The following OGG1 variants were observed in gnomAD, a reference collection of about 807,000 sequenced individuals.
OGG1 encodes the protein 8-oxoguanine DNA glycosylase.
OGG1 carries 35 observed loss-of-function variants against 42.3 expected under a neutral mutation model. The observed-to-expected ratio is 0.83, with a 90% CI of 0.63 to 1.10. The LOEUF (loss-of-function observed/expected upper bound fraction) is 1.10, where lower values mean the gene tolerates loss of function less well. Ranked by LOEUF, OGG1 falls within the 50% of genes least tolerant of loss-of-function variation. OGG1 has a pLI of 0.00. For synonymous variants in OGG1, 189 were observed against 179.0 expected (o/e 1.06, Z -0.44); for missense variants, 484 against 446.7 (o/e 1.08, Z -0.75).
chr3:9,757,546 T>C (rs769257385), downstream of OGG1: 1 of 1,613,486 alleles, frequency 6.2e-7, no homozygotes, highest in East Asian at 2.2e-5. The surrounding 1 kb of genome is among the most constrained non-coding windows in gnomAD (Gnocchi z 4.5). Context: ...GCCCTAGAGC[T>C]GGTGGGGCAG....
intron 3 of OGG1, among the ~76,000 whole-genome samples, chr3:9,782,424 TGA>T (rs1246785049): frequency 6.6e-6 from 1 of 152,200 alleles, no homozygotes; most frequent in Non-Finnish European, 1.5e-5. Flanking sequence ...TCAAGACACT[TGA>T]GAGAGTGTAC....
At chr3:9,764,478 A>G (rs909286139) in intron 7 of OGG1, among the ~76,000 whole-genome samples, 1 of 151,730 alleles carries the variant, frequency 6.6e-6, no homozygotes. Flanking sequence ...ATGTCCAGCT[A>G]ATTTTGTATT....
exon 8 of OGG1, chr3:9,765,924 T>C (rs1289629443): frequency 6.2e-7 from 1 of 1,613,820 alleles, no homozygotes; most frequent in Non-Finnish European, 8.5e-7. Flanking sequence ...GGTGAAGAAC[T>C]GGAACCCCAG....
chr3:9,751,954 G>C lies in OGG1; in HGVS notation c.565+5G>C, dbSNP rs753354734. 8 of 1,613,534 alleles carry C rather than the reference G, an allele frequency of 5.0e-6. No individual in the cohort carries two copies. The highest frequency in any genetic ancestry group is 6.8e-6 in the Non-Finnish European group (8 of 1,179,570). On this transcript the variant is annotated splice_donor_5th_base_variant and intron_variant, in intron 3 of 6. Transcript: ENST00000344629. ...CCAGCCTGCAGGCCCTGGCTGGTGA[G>C]TAGGTGGGTCCCCTGCCCCCAGGCC...
downstream of OGG1, chr3:9,758,294 A>G (rs1456811514): frequency 6.4e-6 from 1 of 156,252 alleles, no homozygotes; most frequent in African/African-American, 2.4e-5. Context: ...TGTCCCACAC[A>G]CCCCTCAAAT....
At chr3:9,790,010 G>C (rs918936328), downstream of OGG1, 5 of 1,533,402 alleles carry the variant, frequency 3.3e-6, no homozygotes, top group Non-Finnish European at 4.4e-6. Flanking sequence ...GGAAAACACA[G>C]AATATCTCTT....
intron 3 of OGG1, among the ~76,000 whole-genome samples, chr3:9,782,847 T>G (rs2078511643): frequency 6.6e-6 from 1 of 151,274 alleles, no homozygotes; most frequent in Non-Finnish European, 1.5e-5. Flanking sequence ...CAGGGCTCTA[T>G]GAAGTTAAGA....
downstream of OGG1, chr3:9,757,586 C>T (rs578157926): frequency 1.3e-5 from 21 of 1,614,166 alleles, no homozygotes; most frequent in African/African-American, 6.7e-5. The surrounding 1 kb of genome is among the most constrained non-coding windows in gnomAD (Gnocchi z 4.5). Flanking sequence ...CCCGGCTCCA[C>T]GCAGCAGTCT....
At chr3:9,770,266 C>T (rs1368291788), downstream of OGG1, among the ~76,000 whole-genome samples, 1 of 152,200 alleles carries the variant, frequency 6.6e-6, no homozygotes, top group Non-Finnish European at 1.5e-5. Flanking sequence ...CGGCCAAACT[C>T]ACCCTGTGGC....
chr3:9,768,765 T>C (rs759257508), downstream of OGG1, among the ~76,000 whole-genome samples: 40 of 152,154 alleles, frequency 2.6e-4, no homozygotes, highest in Non-Finnish European at 5.0e-4. Flanking sequence ...CCTTCTCTCT[T>C]TTTCTCTAAG....
At chr3:9,766,110 T>C (rs774570661) in exon 8 of OGG1, 2 of 1,370,436 alleles carry the variant, frequency 1.5e-6, no homozygotes, top group Non-Finnish European at 2.0e-6. Context: ...GGTCATGTGA[T>C]GCAAGCCAGC....
intron 3 of OGG1, among the ~76,000 whole-genome samples, chr3:9,785,779 G>A (rs1490047195): frequency 6.6e-6 from 1 of 152,226 alleles, no homozygotes; most frequent in Non-Finnish European, 1.5e-5. Context: ...TTCCTCCACG[G>A]CAGCTAGGCA....
chr3:9,759,724 C>T, downstream of OGG1: 2 of 1,614,168 alleles, frequency 1.2e-6, no homozygotes, highest in Non-Finnish European at 1.7e-6. Context: ...GGGTCCTTCT[C>T]CATCAAGTGC....
At chr3:9,750,475 T>TC in intron 1 of OGG1, 52 bp downstream of exon 1, 1 of 1,609,684 alleles carries the variant, frequency 6.2e-7, no homozygotes, top group African/African-American at 1.3e-5. Flanking sequence ...TCCTGCCGCC[T>TC]CAACACTGCC....
chr3:9,767,754 C>T (rs1559706480), downstream of OGG1: 1 of 1,613,948 alleles, frequency 6.2e-7, no homozygotes, highest in Non-Finnish European at 8.5e-7. Flanking sequence ...CAGCATGGCC[C>T]ACTGCCCCCC....
downstream of OGG1, chr3:9,758,429 ATC>A (rs1362342514): frequency 1.3e-5 from 2 of 154,330 alleles, no homozygotes; most frequent in African/African-American, 4.8e-5. Context: ...AGCCCTTGAC[ATC>A]TCTTTCCCCC....
intron 2 of OGG1, among the ~76,000 whole-genome samples, chr3:9,776,388 C>CTTTTTTTTTTTTTTTTTTTTTT (rs57504240): frequency 8.3e-6 from 1 of 121,120 alleles, no homozygotes; most frequent in Non-Finnish European, 1.7e-5. Context: ...TTTTTCTTTT[C>CTTTTTTTTTTTTTTTTTTTTTT]TTTTTTTTTT....
intron 2 of OGG1, among the ~76,000 whole-genome samples, chr3:9,775,310 C>T (rs2078350951): frequency 1.3e-5 from 2 of 152,092 alleles, no homozygotes; most frequent in Admixed American, 1.3e-4. Context: ...TAAGAAATCA[C>T]CATGTGAAAC....
chr3:9,768,032 A>G (rs1235894453), downstream of OGG1, among the ~76,000 whole-genome samples: 1 of 152,156 alleles, frequency 6.6e-6, no homozygotes, highest in Non-Finnish European at 1.5e-5. Flanking sequence ...CATTTATTCT[A>G]GTTCTCTTCC....
Sources: allele counts gnomAD v4.1 joint callset (sites outside exome capture counted in the v4.1 genomes callset), GRCh38; gene constraint gnomAD v4.1.1; non-coding constraint Gnocchi (gnomAD v3.1); transcripts MANE v1.5; gene names NCBI Gene and HGNC (gene_info 2026-07-23, HGNC 2026-07-21).